Variants in PDZRN4 observed in about 807,000 individuals in gnomAD.
The protein encoded by PDZRN4 is PDZ domain-containing RING finger protein 4.
In PDZRN4, 70 loss-of-function variants were observed where a neutral mutation model predicts 99.0. The ratio of observed to expected loss-of-function variants is 0.71; its 90% confidence interval spans 0.58 to 0.86. PDZRN4 has a LOEUF of 0.86. PDZRN4 is among the 40% of genes least tolerant of loss of function. The pLI is 0.00. For missense variants in PDZRN4, 1,474 were observed against 1,331.2 expected, an observed-to-expected ratio of 1.11 and a Z score of -1.67; for synonymous variants, 551 against 501.6, an observed-to-expected ratio of 1.10 and a Z score of -1.32.
intron 3 of PDZRN4, among the ~76,000 whole-genome samples, chr12:41,273,022 G>T (rs936083481): frequency 6.6e-6 from 1 of 151,970 alleles, no homozygotes; most frequent in Non-Finnish European, 1.5e-5. Flanking sequence ...CCTAAAAGGC[G>T]CATTTCCTTG....
Position 41,506,457 on chromosome 12 carries a change from T to G in PDZRN4, c.845T>G (p.Val282Gly). ...GLEIHDKIME[V>G]NGKDLSKATH... is the part of the protein sequence containing the mutation. ...AACAATGTCCTTATATGTTTGTAGG[T>G]CAATGGGAAGGATCTTTCAAAGGCC... The change falls in exon 4 of 10, where the codon GTC becomes GGC. Residue 282 changes from valine to glycine, a missense_variant and splice_region_variant. By Grantham distance (109) the Val-to-Gly change is moderately radical. Coordinates refer to ENST00000402685, the MANE Select transcript of PDZRN4 (RefSeq NM_001164595.2). 6.2e-7 allele frequency: 1 copy of G among 1,609,094 alleles called. No homozygotes were observed. The highest frequency in any genetic ancestry group is 8.5e-7 in the Non-Finnish European group (1 of 1,177,450).
intron 3 of PDZRN4, among the ~76,000 whole-genome samples, chr12:41,495,107 TAGAA>T (rs532576619): frequency 1.3e-5 from 2 of 152,040 alleles, no homozygotes; most frequent in African/African-American, 4.8e-5. Flanking sequence ...TGGAGGACCT[TAGAA>T]AGTATAAGTG....
intron 3 of PDZRN4, among the ~76,000 whole-genome samples, chr12:41,445,543 A>G (rs1222459119): frequency 2.0e-5 from 3 of 152,090 alleles, no homozygotes; most frequent in African/African-American, 7.2e-5. Flanking sequence ...TTCACAAGTC[A>G]TTTAATAGGT....
At chr12:41,450,819 G>A (rs1014944444) in intron 3 of PDZRN4, among the ~76,000 whole-genome samples, 4 of 152,042 alleles carry the variant, frequency 2.6e-5, no homozygotes, top group African/African-American at 4.8e-5. Context: ...TTTCAGCTAC[G>A]TGGGAGGCTA....
chr12:41,474,420 C>A (rs145144462), intron 3 of PDZRN4, among the ~76,000 whole-genome samples: 8 of 152,342 alleles, frequency 5.3e-5, no homozygotes, highest in Non-Finnish European at 1.2e-4. Context: ...TTAAACTACA[C>A]AACAACCCAA....
In PDZRN4 at chr12:41,189,309, A is replaced by G. The variant is rs1950720128; in HGVS notation, c.648+206A>G. ...TAAGGATTGTCCCTTTTCTGATTAT[A>G]TTACGATTGGAAAGAGTTAAACAGA... On this transcript the variant is annotated intron_variant, in intron 1 of 9. Transcript: ENST00000402685. Among the ~76,000 whole-genome samples the G allele has an allele frequency of 2.6e-5, 4 of 152,168 alleles. No individual in the cohort carries two copies. In the South Asian group the frequency reaches 8.3e-4, roughly 32 times the overall value.
intron 3 of PDZRN4, among the ~76,000 whole-genome samples, chr12:41,396,456 A>G (rs1425342880): frequency 6.6e-6 from 1 of 152,192 alleles, no homozygotes; most frequent in African/African-American, 2.4e-5. Context: ...TCCGGATATC[A>G]AAATCAGTAT....
chr12:41,194,876 G>A (rs1318259391), intron 3 of PDZRN4, among the ~76,000 whole-genome samples: 1 of 151,930 alleles, frequency 6.6e-6, no homozygotes, highest in Non-Finnish European at 1.5e-5. Context: ...GAGGAACTAT[G>A]ATTATATTTT....
intron 3 of PDZRN4, among the ~76,000 whole-genome samples, chr12:41,477,637 A>C (rs1167998727): frequency 6.6e-6 from 1 of 152,194 alleles, no homozygotes; most frequent in Non-Finnish European, 1.5e-5. Context: ...AACCACAAAA[A>C]CATAAGCCTT....
intron 3 of PDZRN4, among the ~76,000 whole-genome samples, chr12:41,299,622 A>G (rs1158889983): frequency 1.3e-5 from 2 of 151,922 alleles, no homozygotes; most frequent in African/African-American, 4.8e-5. Context: ...CTAGAGTAAA[A>G]CTTTCAGAGT....
At chr12:41,268,482 A>T (rs1035936713) in intron 3 of PDZRN4, among the ~76,000 whole-genome samples, 7 of 152,218 alleles carry the variant, frequency 4.6e-5, no homozygotes, top group Admixed American at 4.6e-4. Flanking sequence ...ACAGGCTCCA[A>T]AGGATAAAGG....
At chr12:41,415,427 T>A (rs1162143214) in intron 3 of PDZRN4, among the ~76,000 whole-genome samples, 1 of 151,050 alleles carries the variant, frequency 6.6e-6, no homozygotes, top group Non-Finnish European at 1.5e-5. Context: ...CAGTTACTGG[T>A]TCAGAATTTA....
chr12:41,478,258 G>C (rs1937623074), intron 3 of PDZRN4, among the ~76,000 whole-genome samples: 1 of 152,030 alleles, frequency 6.6e-6, no homozygotes. Context: ...TGGGATTACA[G>C]GCATGCACCA....
chr12:41,255,184 G>A (rs1951195806), intron 3 of PDZRN4, among the ~76,000 whole-genome samples: 1 of 152,178 alleles, frequency 6.6e-6, no homozygotes, highest in South Asian at 2.1e-4. Flanking sequence ...CAGGTGTAGT[G>A]GGGCCAGAGT....
intron 3 of PDZRN4, among the ~76,000 whole-genome samples, chr12:41,339,542 G>A (rs1951800475): frequency 6.6e-6 from 1 of 151,926 alleles, no homozygotes; most frequent in Non-Finnish European, 1.5e-5. Context: ...TACCCAAAAA[G>A]CATCAGCAAC....
At chr12:41,221,070 T>C (rs1263664292) in intron 3 of PDZRN4, among the ~76,000 whole-genome samples, 1 of 152,162 alleles carries the variant, frequency 6.6e-6, no homozygotes, top group Non-Finnish European at 1.5e-5. Context: ...ATCCATGCAA[T>C]TGGCCTTGCT....
At chr12:41,320,264 G>T (rs1951666804) in intron 3 of PDZRN4, among the ~76,000 whole-genome samples, 1 of 152,188 alleles carries the variant, frequency 6.6e-6, no homozygotes, top group African/African-American at 2.4e-5. Flanking sequence ...TCACAGACCT[G>T]TGTGGGTGCT....
rs1591959663 is a variant in PDZRN4 at position 41,188,354 on chromosome 12, C to G, written c.-102C>G. On this transcript the variant is annotated 5_prime_UTR_variant, in exon 1 of 10. Coordinates refer to ENST00000402685, the MANE Select transcript of PDZRN4 (RefSeq NM_001164595.2). ...CCCACCCGCCACCTCCCTCCACTGC[C>G]GCCGCCGCGAGACGGCTGCCCCGGG... 1.7e-6 allele frequency: 2 copies of G among 1,172,118 alleles called. No individual in the cohort carries two copies. Among genetic ancestry groups the G allele is most frequent in the South Asian group, 3.3e-5 (2 of 61,312 alleles). The allele number at this position is 1,172,118 out of a possible 1,614,324, so 72.6% of individuals were successfully genotyped here. A position where few individuals can be genotyped will look rare whatever the true frequency, so the allele number is the denominator to read the frequency against.
chr12:41,422,880 A>T (rs140947248), intron 3 of PDZRN4, among the ~76,000 whole-genome samples: 1 of 152,290 alleles, frequency 6.6e-6, no homozygotes, highest in African/African-American at 2.4e-5. Context: ...CACACAATGG[A>T]AATTTCTTTT....
Sources: gnomAD v4.1 joint callset for allele counts (sites outside exome capture counted in the v4.1 genomes callset) on GRCh38, gnomAD v4.1.1 for gene constraint, MANE v1.5 for transcripts, NCBI Gene and HGNC (gene_info 2026-07-23, HGNC 2026-07-21) for gene names.